ABI3BP: variants seen among roughly 807,000 people sequenced by gnomAD.
ABI3BP encodes the protein target of Nesh-SH3.
A neutral mutation model predicts 268.6 loss-of-function variants in ABI3BP; 216 were observed. The ratio of observed to expected loss-of-function variants is 0.80; its 90% CI spans 0.72 to 0.90. The LOEUF (loss-of-function observed/expected upper bound fraction) is 0.90, where lower values mean the gene tolerates loss of function less well. Among genes scored for constraint, ABI3BP ranks in the 40% least tolerant of loss-of-function variants. The pLI is 0.00. For missense variants in ABI3BP, 2,090 were observed against 2,182.4 expected, an observed-to-expected ratio of 0.96 and a Z score of 0.84; for synonymous variants, 730 against 730.0, an observed-to-expected ratio of 1.00 and a Z score of 0.00.
chr3:100,782,618 C>CA (rs2096903706), intron 57 of ABI3BP, among the ~76,000 whole-genome samples: 2 of 152,190 alleles, frequency 1.3e-5, no homozygotes, highest in South Asian at 4.2e-4. Context: ...TGCTCTCCTG[C>CA]ACCTAGCTGC....
At chr3:100,957,643 AT>A (rs911743752) in intron 1 of ABI3BP, among the ~76,000 whole-genome samples, 8 of 152,176 alleles carry the variant, frequency 5.3e-5, no homozygotes, top group Non-Finnish European at 8.8e-5. Context: ...TAAAATGAGA[AT>A]GAATCAGCAA....
chr3:100,990,575 T>C (rs1461774977), intron 1 of ABI3BP, among the ~76,000 whole-genome samples: 1 of 148,502 alleles, frequency 6.7e-6, no homozygotes, highest in African/African-American at 2.4e-5. Context: ...GTTATATATA[T>C]ATAATTTTGT....
intron 2 of ABI3BP, among the ~76,000 whole-genome samples, chr3:100,907,210 A>G (rs2153531210): frequency 1.3e-5 from 2 of 152,338 alleles, no homozygotes; most frequent in East Asian, 3.9e-4. Flanking sequence ...AAGTTGTAAC[A>G]AAGGCCAGGC....
rs1437187972 is a variant in ABI3BP, at chr3:100,813,755, A to G, written c.3290-20T>C. ...TCAGAGCTGAAAGAAGAGGGTCTCA[A>G]TTGTAAGAGTAATTTTCAGTTATTT... On this transcript the variant is annotated intron_variant, in intron 44 of 67. Transcript: ENST00000471714. 8 of 1,524,974 alleles carry G rather than the reference A, an allele frequency of 5.2e-6. No homozygotes were observed. The highest frequency in any genetic ancestry group is 2.4e-5 in the South Asian group (2 of 83,818). The allele number at this position is 1,524,974 out of a possible 1,614,324, so 94.5% of individuals were successfully genotyped here.
At chr3:100,791,027 G>A (rs191158407) in intron 55 of ABI3BP, among the ~76,000 whole-genome samples, 67 of 151,854 alleles carry the variant, frequency 4.4e-4, no homozygotes, top group African/African-American at 1.5e-3. Flanking sequence ...TTTAAGTTTA[G>A]GTTGTAACTT....
chr3:100,810,950 A>C (rs981693599), intron 48 of ABI3BP, among the ~76,000 whole-genome samples: 1 of 152,170 alleles, frequency 6.6e-6, no homozygotes, highest in Non-Finnish European at 1.5e-5. Flanking sequence ...CACAATGCCA[A>C]GCTGGCAGGA....
intron 51 of ABI3BP, 124 bp downstream of exon 51, chr3:100,804,668 T>C (rs1224123261): frequency 2.4e-6 from 2 of 847,158 alleles, no homozygotes; most frequent in East Asian, 5.3e-5. Context: ...ATACCACATA[T>C]GATACAACAT....
chr3:100,827,339 C>T (rs1015521132), intron 34 of ABI3BP, among the ~76,000 whole-genome samples: 1 of 152,034 alleles, frequency 6.6e-6, no homozygotes, highest in African/African-American at 2.4e-5. Flanking sequence ...GGGTAACAAC[C>T]CTCTGGACGC....
At chr3:100,957,188 G>A (rs1232214026) in intron 1 of ABI3BP, among the ~76,000 whole-genome samples, 3 of 152,160 alleles carry the variant, frequency 2.0e-5, no homozygotes, top group Non-Finnish European at 4.4e-5. Context: ...GATAATTTGA[G>A]TAAGAAAAAT....
intron 9 of ABI3BP, among the ~76,000 whole-genome samples, chr3:100,871,036 G>A (rs979837582): frequency 3.9e-5 from 6 of 152,116 alleles, no homozygotes; most frequent in Non-Finnish European, 7.4e-5. Context: ...TGGAGAGGGG[G>A]AAACAGGGAA....
At chr3:100,783,155 G>A (rs1393953244) in intron 57 of ABI3BP, among the ~76,000 whole-genome samples, 2 of 152,194 alleles carry the variant, frequency 1.3e-5, no homozygotes, top group South Asian at 2.1e-4. Flanking sequence ...TCAAAAAGGG[G>A]TGATATTTAT....
Position 100,774,680 on chromosome 3 carries a change from A to G in ABI3BP, c.4463-7T>C, listed in dbSNP as rs1400017220. ...CTAAAGTCAGTTATATTTTCTGAGA[A>G]TGGAAAATAATGAACAGTTTTGGCA... On this transcript the variant is annotated splice_region_variant and splice_polypyrimidine_tract_variant and intron_variant, in intron 60 of 67. Transcript: ENST00000471714. The G allele has an allele frequency of 6.4e-7, 1 of 1,552,272 alleles. No homozygotes were observed. Among genetic ancestry groups the G allele is most frequent in the South Asian group, 1.2e-5 (1 of 82,156 alleles).
chr3:100,809,764 T>C (rs2097802278), intron 49 of ABI3BP, among the ~76,000 whole-genome samples: 1 of 152,120 alleles, frequency 6.6e-6, no homozygotes, highest in Non-Finnish European at 1.5e-5. Flanking sequence ...CCTACAGCTA[T>C]TAAGAGGACT....
intron 3 of ABI3BP, among the ~76,000 whole-genome samples, chr3:100,901,807 C>G (rs975259136): frequency 6.6e-6 from 1 of 151,674 alleles, no homozygotes; most frequent in Non-Finnish European, 1.5e-5. Context: ...TTGTGATCAA[C>G]TCTATATAGA....
chr3:100,928,163 C>T (rs1330718436), intron 1 of ABI3BP, among the ~76,000 whole-genome samples: 1 of 151,970 alleles, frequency 6.6e-6, no homozygotes, highest in Admixed American at 6.6e-5. Flanking sequence ...TCTAACCCTC[C>T]TCTCCAAATT....
intron 15 of ABI3BP, among the ~76,000 whole-genome samples, chr3:100,851,673 C>T (rs1039078259): frequency 3.9e-5 from 6 of 152,182 alleles, no homozygotes; most frequent in Admixed American, 2.0e-4. Flanking sequence ...CCTTATGTGA[C>T]AGAGCTTATT....
intron 6 of ABI3BP, among the ~76,000 whole-genome samples, chr3:100,877,358 T>C (rs1028516833): frequency 3.9e-5 from 6 of 152,204 alleles, no homozygotes; most frequent in African/African-American, 1.4e-4. Flanking sequence ...CAAGCACTTA[T>C]TGCTCAAGAA....
intron 22 of ABI3BP, 115 bp downstream of exon 22, chr3:100,840,703 TCA>T (rs1316414981): frequency 8.8e-4 from 717 of 818,302 alleles, no homozygotes; most frequent in South Asian, 1.3e-3. Context: ...AACAGAGCAC[TCA>T]CACACACACA....
chr3:100,850,723 G>C lies in ABI3BP; in HGVS notation c.1363C>G (p.Arg455Gly), dbSNP rs377450718. Residue 455 changes from arginine (R) to glycine (G), a missense_variant, in exon 16 of 68, where the codon CGT becomes GGT. Coordinates refer to ENST00000471714, the MANE Select transcript of ABI3BP (RefSeq NM_001375547.2). Reference protein sequence around the residue: ...ISDSYTATSDRILDSIPPKTS... With the variant: ...ISDSYTATSDGILDSIPPKTS... ...TTAGGTGGGATAGAATCCAGAATAC[G>C]ATCACTTGTTGCTGTTGGAATAAAT... 1.2e-6 allele frequency: 2 copies of C among 1,612,256 alleles called. No individual in the cohort carries two copies. The highest frequency in any genetic ancestry group is 2.2e-5 in the South Asian group (2 of 90,968).
Sources: gnomAD v4.1 joint callset for allele counts (sites outside exome capture counted in the v4.1 genomes callset) on GRCh38, gnomAD v4.1.1 for gene constraint, MANE v1.5 for transcripts, NCBI Gene and HGNC (gene_info 2026-07-23, HGNC 2026-07-21) for gene names.